The following FAM174B variants were observed in gnomAD, a reference collection of about 807,000 sequenced individuals.
FAM174B encodes membrane protein FAM174B.
In FAM174B, 12 loss-of-function variants were observed where a neutral mutation model predicts 10.9. The ratio of observed to expected loss-of-function variants is 1.10; its 90% CI spans 0.71 to 1.79. FAM174B has a LOEUF of 1.79. Ranked by LOEUF, FAM174B falls within the 40% of genes most tolerant of loss-of-function variation. FAM174B has a pLI of 0.00. For missense variants in FAM174B, 266 were observed against 233.3 expected (o/e 1.14, Z -0.91); for synonymous variants, 132 against 115.8 (o/e 1.14, Z -0.90).
At chr15:92,638,778 T>C (rs1284966378) in intron 1 of FAM174B, among the ~76,000 whole-genome samples, 1 of 152,346 alleles carries the variant, frequency 6.6e-6, no homozygotes, top group East Asian at 1.9e-4. Context: ...CCTGAGGCCA[T>C]TGCAGGACAT....
chr15:92,628,358 T>C (rs966583653), intron 2 of FAM174B, among the ~76,000 whole-genome samples: 4 of 140,278 alleles, frequency 2.9e-5, no homozygotes, highest in Non-Finnish European at 4.5e-5. Flanking sequence ...TTTTTTTTTT[T>C]TTGTAGAAGT....
intron 2 of FAM174B, among the ~76,000 whole-genome samples, chr15:92,623,930 T>C (rs2050736393): frequency 6.6e-6 from 1 of 152,190 alleles, no homozygotes; most frequent in African/African-American, 2.4e-5. Flanking sequence ...GTGTTGTTCA[T>C]CTTTCCTTCC....
chr15:92,627,882 G>T (rs1165127132), intron 2 of FAM174B, among the ~76,000 whole-genome samples: 1 of 152,148 alleles, frequency 6.6e-6, no homozygotes, highest in Admixed American at 6.5e-5. Context: ...CAGATAAAAT[G>T]GCTTAGCGAT....
At chr15:92,654,604 G>A (rs1398933927) in intron 1 of FAM174B, among the ~76,000 whole-genome samples, 6 of 152,020 alleles carry the variant, frequency 3.9e-5, no homozygotes, top group African/African-American at 1.4e-4. Flanking sequence ...TTCATCTAGC[G>A]CAACTTAGGC....
chr15:92,648,531 C>A (rs28578477), intron 1 of FAM174B, among the ~76,000 whole-genome samples: 2,800 of 152,270 alleles, frequency 0.018, 91 homozygotes, highest in African/African-American at 0.065. Context: ...CCAAAAAGGG[C>A]CAAGCTGAGC....
At position 92,655,480 on chromosome 15, in the gene FAM174B, C is replaced by A; in HGVS notation, c.180G>T (p.Gly60=). ...TGGAGCTGCCGCTGCCGCCCGCCGC[C>A]CCAGACCCAAACCGGGTGGTGTTCC... ...GPGNTTRFGS[G]AAGGSGSSSS... Residue 60 remains glycine, a synonymous_variant, in exon 1 of 3, where the codon GGG becomes GGT. Transcript: ENST00000327355. 1 of 1,549,074 alleles carries A rather than the reference C, an allele frequency of 6.5e-7. No homozygotes were observed. The highest frequency in any genetic ancestry group is 1.2e-5 in the South Asian group (1 of 83,408).
chr15:92,625,990 C>T (rs977412037), intron 2 of FAM174B, among the ~76,000 whole-genome samples: 2 of 152,078 alleles, frequency 1.3e-5, no homozygotes, highest in African/African-American at 4.8e-5. Flanking sequence ...AGAGATAAAA[C>T]GTTTAAGGAC....
At chr15:92,633,532 C>A (rs760684750) in intron 1 of FAM174B, among the ~76,000 whole-genome samples, 4 of 152,038 alleles carry the variant, frequency 2.6e-5, no homozygotes, top group Non-Finnish European at 5.9e-5. Flanking sequence ...AAGCATTTTT[C>A]GTCTCTGCTT....
chr15:92,641,726 G>T (rs935896111), intron 1 of FAM174B, among the ~76,000 whole-genome samples: 1 of 151,944 alleles, frequency 6.6e-6, no homozygotes, highest in Non-Finnish European at 1.5e-5. Flanking sequence ...GAAAAAAATA[G>T]CATAAATCTT....
chr15:92,636,619 C>T (rs889891013), intron 1 of FAM174B, among the ~76,000 whole-genome samples: 9 of 147,784 alleles, frequency 6.1e-5, no homozygotes, highest in Non-Finnish European at 7.6e-5. Flanking sequence ...TGAAATGTGC[C>T]GCGGAGATAG....
chr15:92,636,190 T>C (rs1227015735), intron 1 of FAM174B, among the ~76,000 whole-genome samples: 1 of 152,188 alleles, frequency 6.6e-6, no homozygotes, highest in African/African-American at 2.4e-5. Flanking sequence ...GGCTCACGCC[T>C]GTAGTCCCAG....
At chr15:92,646,770 A>T (rs1021613389) in intron 1 of FAM174B, among the ~76,000 whole-genome samples, 2 of 152,244 alleles carry the variant, frequency 1.3e-5, no homozygotes, top group African/African-American at 4.8e-5. Flanking sequence ...GTTTTAGACA[A>T]TAACTTAACT....
intron 1 of FAM174B, among the ~76,000 whole-genome samples, chr15:92,648,473 G>A (rs2050943079): frequency 6.6e-6 from 1 of 152,154 alleles, no homozygotes; most frequent in Non-Finnish European, 1.5e-5. Context: ...CAGTGTTGGG[G>A]AGACCTCGCT....
rs373539667 is a variant in FAM174B, at chr15:92,655,423, G to C, written c.237C>G (p.Thr79=). ...SSNSSGDALV[T]RISILLRDLP... is the part of the protein sequence containing the mutation. Reference sequence around the variant, plus strand: ...GGTCGCGGAGGAGGATGGAAATGCGGGTCACCAAGGCGTCGCCACTGCTGT... The same window carrying C: ...GGTCGCGGAGGAGGATGGAAATGCGCGTCACCAAGGCGTCGCCACTGCTGT... The change falls in exon 1 of 3, where the codon ACC becomes ACG. Residue 79 remains threonine, a synonymous_variant. Coordinates refer to ENST00000327355, the MANE Select transcript of FAM174B (RefSeq NM_207446.3). The C allele has an allele frequency of 3.8e-5, 61 of 1,594,072 alleles. No individual in the cohort carries two copies. Among genetic ancestry groups the C allele is most frequent in the Non-Finnish European group, 4.6e-5 (54 of 1,173,412 alleles).
chr15:92,649,558 T>C (rs142805750), intron 1 of FAM174B, among the ~76,000 whole-genome samples: 1 of 152,366 alleles, frequency 6.6e-6, no homozygotes, highest in Non-Finnish European at 1.5e-5. Context: ...AGAGACTTAG[T>C]TGACACAATC....
intron 1 of FAM174B, among the ~76,000 whole-genome samples, chr15:92,652,582 C>T (rs2050973737): frequency 6.6e-6 from 1 of 152,150 alleles, no homozygotes; most frequent in Admixed American, 6.5e-5. Flanking sequence ...AAGGATGAGA[C>T]AGGCATTCCT....
intron 1 of FAM174B, among the ~76,000 whole-genome samples, chr15:92,652,559 G>T (rs1364549560): frequency 6.6e-6 from 1 of 152,172 alleles, no homozygotes; most frequent in African/African-American, 2.4e-5. Flanking sequence ...GAATTGGCAG[G>T]GAGGGGTAGA....
In FAM174B at chr15:92,630,338, T is replaced by G. The variant is rs201935124; in HGVS notation, c.352A>C (p.Lys118Gln). 3.7e-6 allele frequency: 6 copies of G among 1,611,376 alleles called. No homozygotes were observed. In the Admixed American group the frequency reaches 6.7e-5, roughly 18 times the overall value. Residue 118 changes from lysine (K) to glutamine (Q), a missense_variant, in exon 2 of 3, where the codon AAG (lysine) becomes CAG (glutamine). Transcript: ENST00000327355. ...CLLLRVFRSG[K>Q]RLKKTRKYDI... The stretch of plus-strand genomic sequence containing the variant: ...TACTTGCGTGTCTTCTTTAACCTCT[T>G]TCCCGACCTGCAGGAGAAGAAGCAC...
intron 1 of FAM174B, chr15:92,645,494 G>A (rs972574875): frequency 6.6e-6 from 1 of 152,318 alleles, no homozygotes; most frequent in African/African-American, 2.4e-5. Flanking sequence ...CAGTCCCTGA[G>A]GGATAAATCC....
Sources: allele counts gnomAD v4.1 joint callset (sites outside exome capture counted in the v4.1 genomes callset), GRCh38; gene constraint gnomAD v4.1.1; transcripts MANE v1.5; gene names NCBI Gene and HGNC (gene_info 2026-07-23, HGNC 2026-07-21).